Variants in METTL24 observed in about 807,000 individuals in gnomAD.
METTL24 encodes probable methyltransferase-like protein 24.
In METTL24, 29 loss-of-function variants were observed where a neutral mutation model predicts 32.7. That is an observed-to-expected ratio of 0.89 (90% confidence interval 0.66 to 1.21). The LOEUF is 1.21. Ranked by LOEUF, METTL24 falls within the 50% of genes most tolerant of loss-of-function variation. METTL24 has a pLI of 0.00. For missense variants in METTL24, 439 were observed against 468.1 expected, an observed-to-expected ratio of 0.94 and a Z score of 0.57; for synonymous variants, 163 against 179.5, an observed-to-expected ratio of 0.91 and a Z score of 0.73.
chr6:110,312,277 T>C (rs1228579879), intron 3 of METTL24, among the ~76,000 whole-genome samples: 1 of 152,220 alleles, frequency 6.6e-6, no homozygotes, highest in Non-Finnish European at 1.5e-5. Flanking sequence ...ATAGCCATTA[T>C]GGAAAACAGT....
rs929857174 is a variant in METTL24, at chr6:110,315,381, T to A, written c.518A>T (p.His173Leu). 2.5e-6 allele frequency: 4 copies of A among 1,613,960 alleles called. No homozygotes were observed. In the African/African-American group the frequency reaches 4.0e-5, roughly 16 times the overall value. The change falls in exon 3 of 5, where the codon CAT becomes CTT. Residue 173 changes from histidine to leucine, a missense_variant. His to Leu is a moderately conservative substitution (Grantham distance 99). Coordinates refer to ENST00000338882, the MANE Select transcript of METTL24 (RefSeq NM_001123364.3). ...GCGGCACTGCTTGTTGCGGATTTGATGAGCTAAATTGAACCTGTCGTCAAG... is the reference window on the plus strand; with the variant it reads ...GCGGCACTGCTTGTTGCGGATTTGAAGAGCTAAATTGAACCTGTCGTCAAG... ...VCLDDRFNLA[H>L]QIRNKQCRLY...
At chr6:110,262,736 C>G (rs2114701184) in intron 4 of METTL24, among the ~76,000 whole-genome samples, 1 of 152,278 alleles carries the variant, frequency 6.6e-6, no homozygotes, top group East Asian at 1.9e-4. Flanking sequence ...TACTGACAAA[C>G]CGAATCCAGC....
chr6:110,344,649 T>C (rs187967593), intron 1 of METTL24, among the ~76,000 whole-genome samples: 1 of 152,290 alleles, frequency 6.6e-6, no homozygotes, highest in Admixed American at 6.5e-5. Context: ...GGAATGTATA[T>C]ACCCCAAGTT....
At chr6:110,340,423 C>T (rs1772331866) in intron 1 of METTL24, among the ~76,000 whole-genome samples, 1 of 152,168 alleles carries the variant, frequency 6.6e-6, no homozygotes, top group African/African-American at 2.4e-5. Flanking sequence ...TAGAAATCAA[C>T]CATCACAACC....
At chr6:110,312,574 T>C (rs1399025585) in intron 3 of METTL24, among the ~76,000 whole-genome samples, 1 of 152,248 alleles carries the variant, frequency 6.6e-6, no homozygotes, top group Non-Finnish European at 1.5e-5. Flanking sequence ...GAGGACAGTA[T>C]GTTAAAGGAA....
intron 1 of METTL24, among the ~76,000 whole-genome samples, chr6:110,345,515 T>C (rs1425226937): frequency 6.6e-6 from 1 of 152,094 alleles, no homozygotes; most frequent in Non-Finnish European, 1.5e-5. Context: ...AGCAAAGACA[T>C]GGAATCAACC....
At chr6:110,327,926 T>G (rs1772045107) in intron 1 of METTL24, among the ~76,000 whole-genome samples, 1 of 152,218 alleles carries the variant, frequency 6.6e-6, no homozygotes, top group Non-Finnish European at 1.5e-5. Context: ...CCACCCCTAT[T>G]GCTCCCAGGA....
chr6:110,351,267 AT>A (rs1246615574), intron 1 of METTL24, among the ~76,000 whole-genome samples: 2 of 152,208 alleles, frequency 1.3e-5, no homozygotes, highest in Admixed American at 1.3e-4. Context: ...ACTTTAAAAA[AT>A]ATTACATATA....
intron 3 of METTL24, among the ~76,000 whole-genome samples, chr6:110,312,465 GATAA>G (rs1399723554): frequency 6.6e-6 from 1 of 152,098 alleles, no homozygotes; most frequent in Non-Finnish European, 1.5e-5. Context: ...GTCCATTAGT[GATAA>G]ATAAAGAAAA....
chr6:110,288,241 C>T (rs771572532), intron 4 of METTL24, among the ~76,000 whole-genome samples: 2 of 152,240 alleles, frequency 1.3e-5, no homozygotes, highest in Non-Finnish European at 1.5e-5. Context: ...AAGAGTGGTA[C>T]ACACCTTGTT....
intron 2 of METTL24, among the ~76,000 whole-genome samples, chr6:110,320,685 G>A (rs1420768063): frequency 6.6e-6 from 1 of 152,152 alleles, no homozygotes; most frequent in African/African-American, 2.4e-5. Context: ...CCTTCACAAA[G>A]AGTTGGTTAG....
intron 4 of METTL24, among the ~76,000 whole-genome samples, chr6:110,285,826 A>G (rs1161102583): frequency 6.6e-6 from 1 of 152,190 alleles, no homozygotes; most frequent in Non-Finnish European, 1.5e-5. Flanking sequence ...TCATTCCCCA[A>G]ACTTCTTGAA....
intron 1 of METTL24, among the ~76,000 whole-genome samples, chr6:110,350,805 AAT>A (rs1772584630): frequency 6.8e-6 from 1 of 147,208 alleles, no homozygotes; most frequent in African/African-American, 2.6e-5. Flanking sequence ...AATAAAATAA[AAT>A]AAAATAAAAT....
In METTL24 at chr6:110,247,938, T is replaced by A. The variant is rs577894564; in HGVS notation, c.787-1678A>T. ...ATGATACTCAATGTTGGAAGTGGGG[T>A]CTGGTGAGAGGTGTTTGGGTCATAG... On this transcript the variant is annotated intron_variant, in intron 4 of 4. Coordinates refer to ENST00000338882, the MANE Select transcript of METTL24 (RefSeq NM_001123364.3). Among the ~76,000 whole-genome samples the A allele has an allele frequency of 6.6e-5, 10 of 152,146 alleles. No individual in the cohort carries two copies. The South Asian group carries it at 2.1e-3, about 32-fold the overall frequency.
At chr6:110,290,222 A>T (rs1771295215) in intron 4 of METTL24, among the ~76,000 whole-genome samples, 1 of 152,048 alleles carries the variant, frequency 6.6e-6, no homozygotes, top group Non-Finnish European at 1.5e-5. Context: ...CAGCCAATTG[A>T]CAACTTTTGA....
In METTL24 at chr6:110,321,451, C is replaced by T. The variant is rs568165196; in HGVS notation, c.417+1323G>A. On this transcript the variant is annotated intron_variant, in intron 2 of 4. Transcript: ENST00000338882. ...ATAAATTTATTTTGGCGAGTGAAGC[C>T]CATAGTTCTCAAATCCGATTCATAA... Among the ~76,000 whole-genome samples the T allele has an allele frequency of 1.9e-3, 288 of 152,130 alleles. 1 individual carries two copies. The highest frequency in any genetic ancestry group is 4.4e-3 in the South Asian group (21 of 4,808).
rs1584106756 is a variant in METTL24 at position 110,256,639 on chromosome 6, T to A, written c.787-10379A>T. Among the ~76,000 whole-genome samples, 4 of 152,084 alleles carry A rather than the reference T, an allele frequency of 2.6e-5. No individual in the cohort carries two copies. In the East Asian group the frequency reaches 7.7e-4, roughly 29 times the overall value. Reference sequence around the variant, plus strand: ...TCCCCCTGGCCTTCCATCCTCCACCTCTGTGATCACCTTGCTTCAGACCTC... The same window carrying A: ...TCCCCCTGGCCTTCCATCCTCCACCACTGTGATCACCTTGCTTCAGACCTC... On this transcript the variant is annotated intron_variant, in intron 4 of 4. Coordinates refer to ENST00000338882, the MANE Select transcript of METTL24 (RefSeq NM_001123364.3).
At chr6:110,328,894 C>T (rs1258071745) in intron 1 of METTL24, among the ~76,000 whole-genome samples, 3 of 152,154 alleles carry the variant, frequency 2.0e-5, no homozygotes, top group African/African-American at 7.2e-5. Flanking sequence ...CTTCACAGAC[C>T]ATATCCTCAC....
intron 4 of METTL24, among the ~76,000 whole-genome samples, chr6:110,269,657 T>C (rs1379942975): frequency 6.6e-6 from 1 of 152,208 alleles, no homozygotes; most frequent in Non-Finnish European, 1.5e-5. Context: ...TTTGTTTGTT[T>C]GTTTTGTTTT....
Sources: gnomAD v4.1 joint callset for allele counts (sites outside exome capture counted in the v4.1 genomes callset) on GRCh38, gnomAD v4.1.1 for gene constraint, MANE v1.5 for transcripts, NCBI Gene and HGNC (gene_info 2026-07-23, HGNC 2026-07-21) for gene names.